ARIH1: variants seen among roughly 807,000 people sequenced by gnomAD.
The protein encoded by ARIH1 is ariadne RBR E3 ubiquitin protein ligase 1, also known as E3 ubiquitin-protein ligase ARIH1.
ARIH1 carries 8 observed loss-of-function variants against 85.0 expected under a neutral mutation model. The observed-to-expected ratio is 0.09, with a 90% CI of 0.06 to 0.17. The LOEUF (loss-of-function observed/expected upper bound fraction) is 0.17, where lower values mean the gene tolerates loss of function less well. Among genes scored for constraint, ARIH1 ranks in the 10% least tolerant of loss-of-function variants. The pLI is 1.00. For missense variants in ARIH1, 311 were observed against 718.1 expected, an observed-to-expected ratio of 0.43 and a Z score of 6.48; for synonymous variants, 238 against 253.6, an observed-to-expected ratio of 0.94 and a Z score of 0.59.
rs1310997350 is a variant in ARIH1, at chr15:72,577,692, C to CA, written c.1216-3032dup. On this transcript the variant is annotated intron_variant, in intron 11 of 13. Transcript: ENST00000379887. ...CATCTCAAAACAAAAAACAAACAAA[C>CA]AAAAAAACGGATCATCATAAAGGTC... 2.6e-5 allele frequency among the ~76,000 whole-genome samples: 4 copies of CA among 151,584 alleles called. No individual in the cohort carries two copies. In the East Asian group the frequency reaches 7.8e-4, roughly 30 times the overall value.
rs996651549 is a variant in ARIH1 at position 72,594,730 on chromosome 15, A to G, written c.*11438A>G. 6.7e-6 allele frequency: 1 copy of G among 149,642 alleles called. No homozygotes were observed. The highest frequency in any genetic ancestry group is 1.5e-5 in the Non-Finnish European group (1 of 67,482). 9.3% of individuals were successfully genotyped at this position (149,642 alleles called of 1,614,324 possible). On this transcript the variant is annotated 3_prime_UTR_variant, in exon 14 of 14. Coordinates refer to ENST00000379887, the MANE Select transcript of ARIH1 (RefSeq NM_005744.5). ...GAAATAGTTCTTGTAGACTCCGTAG[A>G]GTTTTATATTAAATAGATACACAAC...
chr15:72,536,834 A>G (rs1165567422), intron 2 of ARIH1, among the ~76,000 whole-genome samples: 1 of 152,196 alleles, frequency 6.6e-6, no homozygotes, highest in East Asian at 1.9e-4. Context: ...TTTGCTTAGC[A>G]GTAAGCAAAC....
Position 72,599,482 on chromosome 15 carries a change from A to G in ARIH1, c.*16190A>G, listed in dbSNP as rs1313915767. The G allele has an allele frequency of 1.3e-5, 2 of 151,860 alleles. No individual in the cohort carries two copies. Among genetic ancestry groups the G allele is most frequent in the African/African-American group, 2.4e-5 (1 of 41,330 alleles). 9.4% of individuals were successfully genotyped at this position (151,860 alleles called of 1,614,324 possible). On this transcript the variant is annotated 3_prime_UTR_variant, in exon 14 of 14. Transcript: ENST00000379887. ...CCAGTTGGTTGTGTTTTCTTTTCCA[A>G]ACTGTATTTCTAAAATGTGTCAATA...
At chr15:72,497,298 C>G (rs1299984259) in intron 1 of ARIH1, among the ~76,000 whole-genome samples, 4 of 152,250 alleles carry the variant, frequency 2.6e-5, no homozygotes, top group Non-Finnish European at 4.4e-5. Flanking sequence ...ATTCCTGACT[C>G]TGGAATATTT....
chr15:72,493,262 C>T (rs1251376952), intron 1 of ARIH1, among the ~76,000 whole-genome samples: 1 of 151,990 alleles, frequency 6.6e-6, no homozygotes, highest in East Asian at 1.9e-4. Flanking sequence ...TCCAGACTAA[C>T]ACTTTTTGGG....
intron 1 of ARIH1, among the ~76,000 whole-genome samples, chr15:72,491,678 A>C (rs2063860147): frequency 6.6e-6 from 1 of 152,152 alleles, no homozygotes; most frequent in Admixed American, 6.5e-5. Flanking sequence ...CCCTTCCCTC[A>C]TTCTCTAACA....
chr15:72,555,174 G>GTC, intron 3 of ARIH1, 97 bp from the exon 4 acceptor site: 1 of 844,486 alleles, frequency 1.2e-6, no homozygotes, highest in Non-Finnish European at 1.9e-6. Flanking sequence ...TTTTAGCCAC[G>GTC]TAAGAAATGT....
intron 1 of ARIH1, among the ~76,000 whole-genome samples, chr15:72,477,633 CATT>C (rs1484665807): frequency 1.3e-5 from 2 of 152,126 alleles, no homozygotes; most frequent in African/African-American, 4.8e-5. Context: ...AATAAGTCAA[CATT>C]ATTTTCTTTC....
intron 2 of ARIH1, among the ~76,000 whole-genome samples, chr15:72,526,981 A>G (rs2064032129): frequency 6.6e-6 from 1 of 152,152 alleles, no homozygotes; most frequent in African/African-American, 2.4e-5. Flanking sequence ...AGCAAAGCAT[A>G]AAATCAGAAA....
intron 2 of ARIH1, 134 bp from the exon 3 acceptor site, chr15:72,544,686 C>T (rs1474681452): frequency 1.3e-6 from 1 of 783,862 alleles, no homozygotes; most frequent in Non-Finnish European, 2.0e-6. Context: ...TTTATTTCCT[C>T]TGAATAAAAA....
chr15:72,515,053 T>C (rs576404164), intron 1 of ARIH1, among the ~76,000 whole-genome samples: 1 of 152,078 alleles, frequency 6.6e-6, no homozygotes, highest in Non-Finnish European at 1.5e-5. Context: ...ACCTAATGGA[T>C]CATGGTTGTA....
At chr15:72,572,446 C>T (rs2064252838) in intron 11 of ARIH1, 1 of 211,646 alleles carries the variant, frequency 4.7e-6, no homozygotes, top group Non-Finnish European at 9.3e-6. Context: ...GAACTCCTGA[C>T]CTCGTGATCC....
chr15:72,528,183 G>T (rs1468698211), intron 2 of ARIH1, among the ~76,000 whole-genome samples: 7 of 152,134 alleles, frequency 4.6e-5, no homozygotes, highest in African/African-American at 1.7e-4. Flanking sequence ...TAGGGTAAAT[G>T]CTAATGAATT....
At chr15:72,481,438 G>A (rs554355952) in intron 1 of ARIH1, among the ~76,000 whole-genome samples, 1 of 152,282 alleles carries the variant, frequency 6.6e-6, no homozygotes, top group East Asian at 1.9e-4. Flanking sequence ...GACCAGTCAC[G>A]GTGGCTCACA....
chr15:72,566,261 G>T (rs1003838821), intron 7 of ARIH1: 9 of 331,992 alleles, frequency 2.7e-5, no homozygotes, highest in Non-Finnish European at 3.8e-5. Flanking sequence ...ATGAAGCATG[G>T]GTTGAAACTT....
intron 3 of ARIH1, among the ~76,000 whole-genome samples, chr15:72,547,090 G>T (rs1203037656): frequency 2.0e-5 from 3 of 149,444 alleles, no homozygotes; most frequent in African/African-American, 7.4e-5. Context: ...ATCACGCCTG[G>T]CTGATTTTTT....
chr15:72,579,313 C>T (rs765216003), intron 11 of ARIH1, among the ~76,000 whole-genome samples: 1 of 152,094 alleles, frequency 6.6e-6, no homozygotes, highest in East Asian at 1.9e-4. Flanking sequence ...TTCTTCTATC[C>T]CTGCATTTTC....
intron 2 of ARIH1, among the ~76,000 whole-genome samples, chr15:72,532,633 C>CA (rs1285979718): frequency 6.6e-6 from 1 of 151,980 alleles, no homozygotes; most frequent in Admixed American, 6.6e-5. Context: ...TACATAGATA[C>CA]AAAAAAACCA....
At chr15:72,570,622 G>C (rs1160925915) in intron 10 of ARIH1, among the ~76,000 whole-genome samples, 3 of 152,128 alleles carry the variant, frequency 2.0e-5, no homozygotes. Context: ...CTTTTTCAGA[G>C]AATAACTGTA....
Sources: allele counts gnomAD v4.1 joint callset (sites outside exome capture counted in the v4.1 genomes callset), GRCh38; gene constraint gnomAD v4.1.1; transcripts MANE v1.5; gene names NCBI Gene and HGNC (gene_info 2026-07-23, HGNC 2026-07-21).